Variants in FTO observed in about 807,000 individuals in gnomAD.
FTO encodes FTO alpha-ketoglutarate dependent dioxygenase, also known as alpha-ketoglutarate-dependent dioxygenase FTO.
Under a neutral mutation model 63.9 loss-of-function variants are expected in FTO, and 47 were observed. The observed-to-expected ratio is 0.74, with a 90% confidence interval of 0.58 to 0.94. The LOEUF is 0.94. FTO is among the 40% of genes least tolerant of loss of function. The probability of loss-of-function intolerance (pLI) is 0.00; values close to 1 mark genes in which losing one functional copy is unlikely to be tolerated. For synonymous variants in FTO, 207 were observed against 224.4 expected, an observed-to-expected ratio of 0.92 and a Z score of 0.69; for missense variants, 562 against 618.1, an observed-to-expected ratio of 0.91 and a Z score of 0.96.
In FTO at chr16:53,965,008, A is replaced by G. The variant is rs541517375; in HGVS notation, c.1364+30899A>G. 1.4e-4 allele frequency among the ~76,000 whole-genome samples: 22 copies of G among 152,346 alleles called. No individual in the cohort carries two copies. In the South Asian group the frequency reaches 4.3e-3, roughly 30 times the overall value. On this transcript the variant is annotated intron_variant, in intron 8 of 8. Transcript: ENST00000471389. ...ACAAACAACAATCAGCAAAAAGTTT[A>G]TGAGTCATTCACCCTAACAATTGTA...
chr16:54,039,635 G>A (rs1407857601), intron 8 of FTO: 1 of 152,186 alleles, frequency 6.6e-6, no homozygotes, highest in Non-Finnish European at 1.5e-5. Flanking sequence ...AAGATTACAA[G>A]TTAGGCCTAT....
intron 8 of FTO, among the ~76,000 whole-genome samples, chr16:54,110,194 G>A (rs570973886): frequency 9.9e-5 from 15 of 152,244 alleles, no homozygotes; most frequent in African/African-American, 3.4e-4. Context: ...TCTACAGAAC[G>A]CACCCTCTGT....
chr16:53,996,262 T>C (rs1275432517), intron 8 of FTO, among the ~76,000 whole-genome samples: 1 of 152,140 alleles, frequency 6.6e-6, no homozygotes, highest in Non-Finnish European at 1.5e-5. Context: ...TCCTAACTGA[T>C]TCAGTTACTT....
intron 8 of FTO, among the ~76,000 whole-genome samples, chr16:54,008,846 AT>A (rs1172563673): frequency 1.6e-5 from 1 of 63,892 alleles, no homozygotes; most frequent in East Asian, 3.2e-4. Context: ...AATAATAATA[AT>A]AATAATAATA....
intron 7 of FTO, among the ~76,000 whole-genome samples, chr16:53,913,247 G>A (rs181126958): frequency 8.5e-5 from 13 of 152,342 alleles, no homozygotes; most frequent in Admixed American, 5.9e-4. Flanking sequence ...TTACCCCACA[G>A]TTTGGATCAT....
At chr16:54,033,149 G>T (rs950005365) in intron 8 of FTO, among the ~76,000 whole-genome samples, 16 of 152,088 alleles carry the variant, frequency 1.1e-4, no homozygotes, top group African/African-American at 3.4e-4. Flanking sequence ...AGGTTAAAAG[G>T]TTTTCTTATC....
At chr16:53,838,022 C>T (rs1185454787) in intron 3 of FTO, among the ~76,000 whole-genome samples, 5 of 152,196 alleles carry the variant, frequency 3.3e-5, no homozygotes, top group Admixed American at 2.0e-4. Context: ...TGCTCTTATA[C>T]ACACACCATG....
intron 8 of FTO, among the ~76,000 whole-genome samples, chr16:54,051,793 G>A (rs1208412107): frequency 2.6e-5 from 4 of 152,122 alleles, no homozygotes; most frequent in African/African-American, 9.7e-5. Context: ...ATGTGCCCTT[G>A]GCTAGGAAAC....
intron 8 of FTO, among the ~76,000 whole-genome samples, chr16:53,948,988 A>G (rs568459118): frequency 6.6e-6 from 1 of 152,248 alleles, no homozygotes; most frequent in African/African-American, 2.4e-5. Context: ...GTTGCCTTGA[A>G]CTTGGCACTA....
At chr16:53,737,671 T>C (rs16952482) in intron 1 of FTO, among the ~76,000 whole-genome samples, 16,205 of 152,164 alleles carry the variant, frequency 0.11, 950 homozygotes, top group South Asian at 0.22. Flanking sequence ...CCAGCAGTAA[T>C]ATGAGCCATC....
intron 8 of FTO, among the ~76,000 whole-genome samples, chr16:53,958,215 T>TA (rs2143603041): frequency 6.6e-6 from 1 of 152,326 alleles, no homozygotes; most frequent in South Asian, 2.1e-4. Flanking sequence ...TCGGCCCACT[T>TA]AGAGAAGGTT....
At chr16:53,766,626 C>G (rs2077209795) in intron 1 of FTO, among the ~76,000 whole-genome samples, 1 of 152,138 alleles carries the variant, frequency 6.6e-6, no homozygotes, top group Admixed American at 6.5e-5. Context: ...TGACTGGTGT[C>G]TGTTCAGCAC....
At chr16:54,004,754 C>G (rs1335937885) in intron 8 of FTO, among the ~76,000 whole-genome samples, 1 of 152,156 alleles carries the variant, frequency 6.6e-6, no homozygotes, top group Non-Finnish European at 1.5e-5. Context: ...ATGAAGCTAT[C>G]TGTGTAGCTT....
In FTO at chr16:53,826,059, A is replaced by T; in HGVS notation, c.319A>T (p.Lys107Ter). ...CATTGGTAATCCAGGCTGCACCTAC[A>T]AGTACCTGAACACCAGGCTCTTTAC... is the stretch of plus-strand genomic sequence containing the variant. ...ILIGNPGCTY[K>*]YLNTRLFTVP... Residue 107 changes from lysine to a stop codon, truncating the protein, a stop_gained, in exon 3 of 9, where the codon AAG becomes TAG. Transcript: ENST00000471389. LOFTEE classifies it high-confidence loss of function. 6.2e-7 allele frequency: 1 copy of T among 1,614,130 alleles called. No individual in the cohort carries two copies. The highest frequency in any genetic ancestry group is 1.1e-5 in the South Asian group (1 of 91,086).
chr16:53,893,411 G>A (rs11076008), intron 7 of FTO, among the ~76,000 whole-genome samples: 50,911 of 152,060 alleles, frequency 0.33, 12,231 homozygotes, highest in African/African-American at 0.69. Context: ...AAACTGTACA[G>A]CTGCTTTGCT....
intron 4 of FTO, among the ~76,000 whole-genome samples, chr16:53,845,197 T>C (rs979594451): frequency 6.6e-6 from 1 of 152,256 alleles, no homozygotes; most frequent in Non-Finnish European, 1.5e-5. Flanking sequence ...TCTACTTGGC[T>C]CTTGTTCCTG....
At chr16:53,715,307 A>G (rs1377240625) in intron 1 of FTO, among the ~76,000 whole-genome samples, 1 of 152,094 alleles carries the variant, frequency 6.6e-6, no homozygotes, top group African/African-American at 2.4e-5. Context: ...CTGGTGTTTT[A>G]TGTTCCTCTG....
chr16:53,958,088 G>A (rs886964294), intron 8 of FTO, among the ~76,000 whole-genome samples: 3 of 152,114 alleles, frequency 2.0e-5, no homozygotes, highest in African/African-American at 7.2e-5. Flanking sequence ...TATGGTCCTG[G>A]CACTTGTCTA....
chr16:54,001,137 T>C (rs1358544812), intron 8 of FTO, among the ~76,000 whole-genome samples: 1 of 152,232 alleles, frequency 6.6e-6, no homozygotes, highest in Non-Finnish European at 1.5e-5. Context: ...TTTGTGGTCT[T>C]ACAGCAAAGA....
Sources: gnomAD v4.1 joint callset for allele counts (sites outside exome capture counted in the v4.1 genomes callset) on GRCh38, gnomAD v4.1.1 for gene constraint, MANE v1.5 for transcripts, NCBI Gene and HGNC (gene_info 2026-07-23, HGNC 2026-07-21) for gene names.